Variants in MLLT10 observed in about 807,000 individuals in gnomAD.
MLLT10 encodes protein AF-10.
A neutral mutation model predicts 129.1 loss-of-function variants in MLLT10; 30 were observed. The observed-to-expected ratio is 0.23, with a 90% CI of 0.17 to 0.32. MLLT10 has a LOEUF of 0.32. Among genes scored for constraint, MLLT10 ranks in the 10% least tolerant of loss-of-function variants. The pLI is 1.00. For synonymous variants in MLLT10, 490 were observed against 446.4 expected, an observed-to-expected ratio of 1.10 and a Z score of -1.23; for missense variants, 1,119 against 1,268.3, an observed-to-expected ratio of 0.88 and a Z score of 1.79.
chr10:21,700,200 T>A (rs2054779179), intron 13 of MLLT10, among the ~76,000 whole-genome samples: 1 of 152,038 alleles, frequency 6.6e-6, no homozygotes, highest in African/African-American at 2.4e-5. Flanking sequence ...GAAACAGTAC[T>A]GGTTTTTGTA....
At chr10:21,606,723 T>C (rs1326437314) in intron 5 of MLLT10, among the ~76,000 whole-genome samples, 1 of 152,242 alleles carries the variant, frequency 6.6e-6, no homozygotes, top group Non-Finnish European at 1.5e-5. Context: ...TTCTCATAGA[T>C]GAACAAAGAA....
chr10:21,736,242 A>G (rs2058353005), intron 21 of MLLT10, among the ~76,000 whole-genome samples: 1 of 152,194 alleles, frequency 6.6e-6, no homozygotes, highest in Admixed American at 6.5e-5. Context: ...GTAGGTGTTA[A>G]AATAGTATGG....
chr10:21,618,809 T>G (rs2045521096), intron 8 of MLLT10, among the ~76,000 whole-genome samples: 1 of 151,900 alleles, frequency 6.6e-6, no homozygotes, highest in African/African-American at 2.4e-5. Flanking sequence ...CTCGTGTTAT[T>G]GCAACCTCTG....
Position 21,713,901 on chromosome 10 carries a change from T to C in MLLT10, c.1829T>C (p.Leu610Pro), listed in dbSNP as rs745835312. 1 of 1,614,006 alleles carries C rather than the reference T, an allele frequency of 6.2e-7. No homozygotes were observed. The highest frequency in any genetic ancestry group is 8.5e-7 in the Non-Finnish European group (1 of 1,179,952). The change falls in exon 14 of 23, where the codon CTC becomes CCC. Residue 610 changes from leucine to proline, a missense_variant. Physicochemically the swap from Leu to Pro is moderately conservative, Grantham distance 98 (BLOSUM62 -3). Transcript: ENST00000307729. The part of the protein sequence containing the change: ...SSGHLQQVGA[L>P]SPSAVSSAAP... Reference sequence around the variant, plus strand: ...GGGCATTTGCAACAAGTAGGAGCGCTCTCTCCCTCAGCTGTGTCATCTGCA... The same window carrying C: ...GGGCATTTGCAACAAGTAGGAGCGCCCTCTCCCTCAGCTGTGTCATCTGCA...
At chr10:21,688,005 T>G (rs551150028) in intron 13 of MLLT10, among the ~76,000 whole-genome samples, 1 of 152,352 alleles carries the variant, frequency 6.6e-6, no homozygotes, top group South Asian at 2.1e-4. Context: ...GCTATTTTGT[T>G]GCTCTTGGTT....
intron 3 of MLLT10, among the ~76,000 whole-genome samples, chr10:21,553,904 C>T (rs574896730): frequency 6.6e-6 from 1 of 152,316 alleles, no homozygotes; most frequent in Non-Finnish European, 1.5e-5. Flanking sequence ...CCCGTCTCAG[C>T]CTCCCAAAAT....
intron 13 of MLLT10, among the ~76,000 whole-genome samples, chr10:21,712,214 T>TTATTTATTTATG (rs2056165416): frequency 6.6e-6 from 1 of 151,786 alleles, no homozygotes; most frequent in African/African-American, 2.4e-5. Context: ...ATTTATTTAT[T>TTATTTATTTATG]TATTTATTTT....
chr10:21,583,831 G>T (rs1292342283), intron 3 of MLLT10, among the ~76,000 whole-genome samples: 1 of 151,940 alleles, frequency 6.6e-6, no homozygotes, highest in Non-Finnish European at 1.5e-5. Context: ...TTTTACATGA[G>T]ATTTGGAGGC....
chr10:21,696,374 A>G (rs1173880236), intron 13 of MLLT10, among the ~76,000 whole-genome samples: 1 of 151,782 alleles, frequency 6.6e-6, no homozygotes, highest in African/African-American at 2.4e-5. Flanking sequence ...TTTTTAGGTA[A>G]TTTTAATTAG....
rs978444892 is a variant in MLLT10 at position 21,534,315 on chromosome 10, C to CA, written c.-206_-205insA. 1.8e-5 allele frequency: 7 copies of CA among 391,228 alleles called. No individual in the cohort carries two copies. The highest frequency in any genetic ancestry group is 2.7e-5 in the Non-Finnish European group (6 of 221,758). The allele number at this position is 391,228 out of a possible 1,614,324, so 24.2% of individuals were successfully genotyped here. On this transcript the variant is annotated 5_prime_UTR_variant, in exon 1 of 23. Transcript: ENST00000307729. ...CCCTGGCCCAGCGGGAGCCCCCCCT[C>CA]CCCCCAGTGCGCCTGTGCGGAGGCC...
chr10:21,601,771 C>T (rs933631500), intron 5 of MLLT10, among the ~76,000 whole-genome samples: 3 of 152,080 alleles, frequency 2.0e-5, no homozygotes, highest in African/African-American at 7.2e-5. Context: ...AACTCCTGGC[C>T]TCAAGTTATT....
intron 8 of MLLT10, among the ~76,000 whole-genome samples, chr10:21,642,371 A>C (rs2048092463): frequency 7.0e-6 from 1 of 142,312 alleles, no homozygotes; most frequent in African/African-American, 2.6e-5. Flanking sequence ...AAATACGAAG[A>C]AGTAGCCGGG....
intron 3 of MLLT10, chr10:21,552,064 C>T (rs184585298): frequency 8.5e-6 from 2 of 234,192 alleles, no homozygotes; most frequent in East Asian, 3.1e-4. Context: ...GTAGCTGGAA[C>T]TATAGGTACA....
At chr10:21,573,853 C>T (rs1275952422) in intron 3 of MLLT10, among the ~76,000 whole-genome samples, 1 of 152,144 alleles carries the variant, frequency 6.6e-6, no homozygotes, top group Non-Finnish European at 1.5e-5. Flanking sequence ...TGTGAGCCAC[C>T]ACAACTGGCC....
chr10:21,688,608 C>A, intron 13 of MLLT10: 1 of 1,363,282 alleles, frequency 7.3e-7, no homozygotes, highest in Non-Finnish European at 1.0e-6. Flanking sequence ...GCTTGGAAAC[C>A]TTCCCATACA....
intron 9 of MLLT10, chr10:21,661,719 A>G (rs1232554285): frequency 6.6e-6 from 1 of 152,108 alleles, no homozygotes; most frequent in African/African-American, 2.4e-5. Context: ...TAATTTTTGT[A>G]TGTGTGCTGC....
intron 3 of MLLT10, among the ~76,000 whole-genome samples, chr10:21,575,324 G>A (rs919661591): frequency 6.6e-6 from 1 of 151,944 alleles, no homozygotes; most frequent in African/African-American, 2.4e-5. Flanking sequence ...AGCCTCCTGG[G>A]TAGCTTAGAT....
At chr10:21,713,203 C>T (rs925654401) in intron 13 of MLLT10, among the ~76,000 whole-genome samples, 5 of 152,170 alleles carry the variant, frequency 3.3e-5, no homozygotes, top group African/African-American at 1.2e-4. Flanking sequence ...TCTGTGTTAT[C>T]GCTGGAATGT....
In MLLT10 at chr10:21,673,477, A is replaced by G. The variant is rs1318392502; in HGVS notation, c.1179A>G (p.Ser393=). The G allele has an allele frequency of 5.6e-6, 9 of 1,613,876 alleles. No homozygotes were observed. The highest frequency in any genetic ancestry group is 7.6e-6 in the Non-Finnish European group (9 of 1,179,994). ...RNDSYSHSQQ[S]SATKDVHKGE... is the part of the protein sequence containing the mutation. ...ACAGTTACTCTCACTCCCAACAGTC[A>G]TCAGCAACCAAAGATGTACATAAAG... The change falls in exon 11 of 23, where the codon TCA becomes TCG. Residue 393 remains serine (S), a synonymous_variant. Transcript: ENST00000307729.
Sources: allele counts gnomAD v4.1 joint callset (sites outside exome capture counted in the v4.1 genomes callset), GRCh38; gene constraint gnomAD v4.1.1; transcripts MANE v1.5; gene names NCBI Gene and HGNC (gene_info 2026-07-23, HGNC 2026-07-21).